PCDH15: variants seen among roughly 807,000 people sequenced by gnomAD.
PCDH15 encodes protocadherin related 15, also known as protocadherin-15.
PCDH15 carries 129 observed loss-of-function variants against 178.5 expected under a neutral mutation model. The ratio of observed to expected loss-of-function variants is 0.72; its 90% CI spans 0.63 to 0.84. The LOEUF (loss-of-function observed/expected upper bound fraction) is 0.84, where lower values mean the gene tolerates loss of function less well. Among genes scored for constraint, PCDH15 ranks in the 40% least tolerant of loss-of-function variants. The pLI, the probability that PCDH15 is intolerant of heterozygous loss-of-function variation, is 0.00. For missense variants in PCDH15, 2,230 were observed against 2,099.9 expected (o/e 1.06, Z -1.21); for synonymous variants, 800 against 732.0 (o/e 1.09, Z -1.50).
intron 1 of PCDH15, among the ~76,000 whole-genome samples, chr10:54,766,311 T>C (rs533043233): frequency 3.3e-5 from 5 of 152,252 alleles, no homozygotes; most frequent in African/African-American, 9.6e-5. Context: ...AAAAGTTTCA[T>C]TTTAACATCA....
At chr10:54,968,964 C>A (rs1382532360) in intron 2 of PCDH15, among the ~76,000 whole-genome samples, 1 of 151,974 alleles carries the variant, frequency 6.6e-6, no homozygotes, top group African/African-American at 2.4e-5. Flanking sequence ...TTCATATATT[C>A]CATGGCTCTA....
At chr10:54,800,643 G>A (rs1266921891) in intron 1 of PCDH15, among the ~76,000 whole-genome samples, 1 of 152,112 alleles carries the variant, frequency 6.6e-6, no homozygotes, top group East Asian at 1.9e-4. Flanking sequence ...ACAAACCAGA[G>A]TTATAATTCA....
rs1354420161 is a variant in PCDH15, at chr10:55,070,851, T to C, written c.-80+95725A>G. On this transcript the variant is annotated intron_variant, in intron 2 of 5. Coordinates refer to the PCDH15 transcript ENST00000458638. ...AGCTTGATGGGGATGGCATTGAATC[T>C]ATAAATTACCTTGGGCAGTATGGCC... Among the ~76,000 whole-genome samples, 3 of 152,262 alleles carry C rather than the reference T, an allele frequency of 2.0e-5. No homozygotes were observed. In the East Asian group the frequency reaches 5.8e-4, roughly 29 times the overall value.
rs2132454211 is a variant in PCDH15 at position 54,717,982 on chromosome 10, A to G, written c.-28-53692T>C. On this transcript the variant is annotated intron_variant, in intron 1 of 37. Coordinates refer to ENST00000644397, the MANE Select transcript of PCDH15 (RefSeq NM_001384140.1). ...TGTAGGGACACGGATGAAATTGGAA[A>G]TCATCATTCTCAGTAAAATATCACA... Among the ~76,000 whole-genome samples, 3 of 147,540 alleles carry G rather than the reference A, an allele frequency of 2.0e-5. 1 individual carries two copies. Among genetic ancestry groups the G allele is most frequent in the African/African-American group, 7.7e-5 (3 of 39,188 alleles).
chr10:54,167,741 A>C, intron 13 of PCDH15, among the ~76,000 whole-genome samples: 1 of 149,512 alleles, frequency 6.7e-6, no homozygotes. Flanking sequence ...TTATTTCCGC[A>C]CCCCAACCTC....
intron 6 of PCDH15, among the ~76,000 whole-genome samples, chr10:54,342,444 C>T (rs1400530122): frequency 1.3e-5 from 2 of 152,174 alleles, no homozygotes. Flanking sequence ...AAGAGTTGAG[C>T]TTTGGGAACC....
At chr10:54,138,086 A>G (rs773780809) in intron 14 of PCDH15, among the ~76,000 whole-genome samples, 3 of 152,194 alleles carry the variant, frequency 2.0e-5, no homozygotes, top group Non-Finnish European at 4.4e-5. Context: ...GGGCCTGGAC[A>G]GCATGATCCC....
At chr10:54,641,710 TC>T (rs2093993310) in intron 2 of PCDH15, among the ~76,000 whole-genome samples, 1 of 119,134 alleles carries the variant, frequency 8.4e-6, no homozygotes, top group Admixed American at 7.9e-5. Flanking sequence ...CTATTATCTC[TC>T]CGTTGGACTA....
intron 3 of PCDH15, among the ~76,000 whole-genome samples, chr10:54,845,657 T>A (rs1953496759): frequency 6.6e-6 from 1 of 152,050 alleles, no homozygotes; most frequent in African/African-American, 2.4e-5. Flanking sequence ...GGATAAAATT[T>A]TGAATAGACA....
intron 2 of PCDH15, among the ~76,000 whole-genome samples, chr10:55,374,508 T>C (rs141406008): frequency 3.3e-5 from 5 of 152,230 alleles, no homozygotes; most frequent in African/African-American, 1.2e-4. Flanking sequence ...GCAATAGATA[T>C]CACTTGCTTG....
chr10:55,447,187 C>T (rs1839335954), intron 2 of PCDH15, among the ~76,000 whole-genome samples: 1 of 151,918 alleles, frequency 6.6e-6, no homozygotes. Flanking sequence ...TTTCTGGAGG[C>T]ATTGGTAAGT....
intron 4 of PCDH15, among the ~76,000 whole-genome samples, chr10:54,374,115 A>G (rs1233881207): frequency 1.3e-5 from 2 of 152,084 alleles, no homozygotes; most frequent in Non-Finnish European, 2.9e-5. Context: ...CTCTGGTTGT[A>G]GAATAGGTTG....
chr10:55,100,369 AC>A (rs1316296198), intron 2 of PCDH15, among the ~76,000 whole-genome samples: 2 of 152,286 alleles, frequency 1.3e-5, no homozygotes, highest in African/African-American at 4.8e-5. Flanking sequence ...AATTATTCCT[AC>A]CGATATTTTT....
intron 2 of PCDH15, among the ~76,000 whole-genome samples, chr10:54,578,852 C>A (rs1270572312): frequency 6.6e-6 from 1 of 152,086 alleles, no homozygotes; most frequent in Non-Finnish European, 1.5e-5. Context: ...TTATTTTCAA[C>A]ACTCTAAAAG....
intron 8 of PCDH15, among the ~76,000 whole-genome samples, chr10:54,257,347 A>G (rs1292556810): frequency 6.7e-6 from 1 of 149,462 alleles, no homozygotes; most frequent in East Asian, 2.0e-4. Flanking sequence ...AGTTTAACAT[A>G]TATTTTATTT....
chr10:54,477,437 C>T (rs945103361), intron 3 of PCDH15, among the ~76,000 whole-genome samples: 2 of 152,112 alleles, frequency 1.3e-5, no homozygotes, highest in African/African-American at 4.8e-5. Context: ...TCATGATGTG[C>T]TAGAATTGCA....
At chr10:54,492,533 G>T (rs1054667745) in intron 3 of PCDH15, among the ~76,000 whole-genome samples, 2 of 152,092 alleles carry the variant, frequency 1.3e-5, no homozygotes, top group Non-Finnish European at 2.9e-5. Context: ...GGTTTCAGTT[G>T]CCTACACTCA....
intron 8 of PCDH15, among the ~76,000 whole-genome samples, chr10:54,301,035 T>C (rs2060120262): frequency 6.6e-6 from 1 of 152,130 alleles, no homozygotes; most frequent in Non-Finnish European, 1.5e-5. Flanking sequence ...GTGGCTTCAC[T>C]CCTGAAGTCA....
At chr10:55,477,647 T>G (rs573059517) in intron 2 of PCDH15, among the ~76,000 whole-genome samples, 2 of 151,944 alleles carry the variant, frequency 1.3e-5, no homozygotes, top group Non-Finnish European at 2.9e-5. Flanking sequence ...CATCATTTAG[T>G]GTTCTTAATG....
Sources: gnomAD v4.1 joint callset for allele counts (sites outside exome capture counted in the v4.1 genomes callset) on GRCh38, gnomAD v4.1.1 for gene constraint, MANE v1.5 for transcripts, NCBI Gene and HGNC (gene_info 2026-07-23, HGNC 2026-07-21) for gene names.